The following XXYLT1 variants were observed in gnomAD, a reference collection of about 807,000 sequenced individuals.
XXYLT1 encodes xyloside xylosyltransferase 1.
Under a neutral mutation model 28.9 loss-of-function variants are expected in XXYLT1, and 20 were observed. The ratio of observed to expected loss-of-function variants is 0.69; its 90% confidence interval spans 0.49 to 1.00. The LOEUF is 1.00. Ranked by LOEUF, XXYLT1 falls within the 50% of genes least tolerant of loss-of-function variation. The pLI is 0.00. For missense variants in XXYLT1, 542 were observed against 560.1 expected (o/e 0.97, Z 0.33); for synonymous variants, 257 against 253.8 (o/e 1.01, Z -0.12).
chr3:195,069,886 G>C lies in XXYLT1; in HGVS notation c.1011C>G (p.Ile337Met), dbSNP rs764999070. Reference sequence around the variant, plus strand: ...GGAAGAGCTTGGGGTGCTCCATGCCGATCATGGTGAAGAAGTCCTGGTCCC... The same window carrying C: ...GGAAGAGCTTGGGGTGCTCCATGCCCATCATGGTGAAGAAGTCCTGGTCCC... ...HLGDQDFFTM[I>M]GMEHPKLFHV... Residue 337 changes from isoleucine (I) to methionine (M), a missense_variant, in exon 4 of 4, where the codon ATC (isoleucine) becomes ATG (methionine). Physicochemically the swap from Ile to Met is conservative, Grantham distance 10. Transcript: ENST00000310380. The C allele has an allele frequency of 6.2e-7, 1 of 1,614,104 alleles. No homozygotes were observed. The highest frequency in any genetic ancestry group is 2.2e-5 in the East Asian group (1 of 44,878).
chr3:195,247,495 C>T (rs77123388), intron 1 of XXYLT1, among the ~76,000 whole-genome samples: 2,947 of 152,358 alleles, frequency 0.019, 42 homozygotes, highest in Non-Finnish European at 0.03. Context: ...TCTTCCGCAC[C>T]TCACCCTCGT....
intron 1 of XXYLT1, among the ~76,000 whole-genome samples, chr3:195,248,291 C>G (rs758515160): frequency 2.0e-5 from 3 of 152,186 alleles, no homozygotes; most frequent in Non-Finnish European, 4.4e-5. Context: ...AAGGAGTTGA[C>G]ATGGTTTGGC....
At position 195,124,796 on chromosome 3, in the gene XXYLT1, G is replaced by A. The variant is rs371338885; in HGVS notation, c.785+31653C>T. ...GTTCCAGGGACCACAACTCCCACTA[G>A]AGCCAAGCAGCGTACGGACAGGGGC... On this transcript the variant is annotated intron_variant, in intron 3 of 3. Coordinates refer to ENST00000310380, the MANE Select transcript of XXYLT1 (RefSeq NM_152531.5). This position sits in a 1 kb window ranked among gnomAD's most constrained non-coding sequence, Gnocchi z 4.1. Among the ~76,000 whole-genome samples the A allele has an allele frequency of 6.6e-6, 1 of 152,154 alleles. No individual in the cohort carries two copies. The highest frequency in any genetic ancestry group is 1.5e-5 in the Non-Finnish European group (1 of 68,030).
chr3:195,127,588 C>G (rs971533706), intron 3 of XXYLT1, among the ~76,000 whole-genome samples: 10 of 152,066 alleles, frequency 6.6e-5, no homozygotes, highest in African/African-American at 2.4e-4. Context: ...CCAGCATGGG[C>G]AACATACTGA....
At chr3:195,182,186 C>T (rs6766066) in intron 2 of XXYLT1, among the ~76,000 whole-genome samples, 7,106 of 152,222 alleles carry the variant, frequency 0.047, 585 homozygotes, top group African/African-American at 0.16. Context: ...TGGATTCTCT[C>T]GCCTTTAAGA....
Position 195,200,688 on chromosome 3 carries a change from A to AGAT in XXYLT1, c.652+26020_652+26021insATC, listed in dbSNP as rs140981067. 7.8e-3 allele frequency among the ~76,000 whole-genome samples: 1,190 copies of AGAT among 152,328 alleles called. 8 individuals are homozygous for AGAT. The highest frequency in any genetic ancestry group is 0.012 in the Non-Finnish European group (800 of 68,034). On this transcript the variant is annotated intron_variant, in intron 2 of 3. Coordinates refer to ENST00000310380, the MANE Select transcript of XXYLT1 (RefSeq NM_152531.5). ...TGCAACATGCCCCAAACCTGGAAAC[A>AGAT]TCTGTCTAAATTAGGCGGGAAGAAG...
chr3:195,081,962 T>TG (rs1715458866), intron 3 of XXYLT1, among the ~76,000 whole-genome samples: 1 of 152,212 alleles, frequency 6.6e-6, no homozygotes, highest in African/African-American at 2.4e-5. Flanking sequence ...CCTGAAAGCC[T>TG]GCAGTTCTAG....
chr3:195,117,096 CTA>C (rs984569571), intron 3 of XXYLT1, among the ~76,000 whole-genome samples: 14 of 121,194 alleles, frequency 1.2e-4, no homozygotes, highest in Non-Finnish European at 2.1e-4. Flanking sequence ...TGGAAACATC[CTA>C]TATATATATA....
intron 3 of XXYLT1, among the ~76,000 whole-genome samples, chr3:195,125,302 C>G (rs976906921): frequency 2.0e-5 from 3 of 152,232 alleles, no homozygotes; most frequent in African/African-American, 7.2e-5. Context: ...CGACCTTCGA[C>G]CAAACAGTCC....
chr3:195,206,998 A>G (rs55840713), intron 2 of XXYLT1, among the ~76,000 whole-genome samples: 1,815 of 141,774 alleles, frequency 0.013, 19 homozygotes, highest in Middle Eastern at 0.017. Flanking sequence ...TGGAGGGGGA[A>G]AAAAAAAGGC....
At chr3:195,121,109 C>A (rs1718336991) in intron 3 of XXYLT1, among the ~76,000 whole-genome samples, 1 of 152,242 alleles carries the variant, frequency 6.6e-6, no homozygotes, top group African/African-American at 2.4e-5. Context: ...ACCCGGGAAC[C>A]ACAGCACACC....
intron 1 of XXYLT1, among the ~76,000 whole-genome samples, chr3:195,262,070 A>G (rs893800032): frequency 6.6e-6 from 1 of 152,260 alleles, no homozygotes; most frequent in Non-Finnish European, 1.5e-5. Flanking sequence ...ATTATTCATA[A>G]TAGCCTCAAA....
At position 195,125,960 on chromosome 3, in the gene XXYLT1, C is replaced by A. The variant is rs370913039; in HGVS notation, c.785+30489G>T. The stretch of plus-strand genomic sequence containing the variant: ...GCTCTTCCACAGGTTCACGATACCC[C>A]GAGATAACTGAGAAAGACACAAGGA... On this transcript the variant is annotated intron_variant, in intron 3 of 3. Transcript: ENST00000310380. Among the ~76,000 whole-genome samples the A allele has an allele frequency of 6.0e-5, 9 of 149,958 alleles. No homozygotes were observed. The East Asian group carries it at 1.7e-3, about 28-fold the overall frequency.
intron 1 of XXYLT1, among the ~76,000 whole-genome samples, chr3:195,239,181 G>A (rs914458391): frequency 6.6e-6 from 1 of 152,182 alleles, no homozygotes; most frequent in African/African-American, 2.4e-5. Flanking sequence ...TGCAGCAAGA[G>A]GCAAATCACA....
At chr3:195,249,653 C>T (rs947626380) in intron 1 of XXYLT1, among the ~76,000 whole-genome samples, 6 of 152,250 alleles carry the variant, frequency 3.9e-5, no homozygotes, top group Admixed American at 2.6e-4. Context: ...CCAGAACACA[C>T]TCAACCTTTC....
chr3:195,220,833 TG>T, intron 2 of XXYLT1, among the ~76,000 whole-genome samples: 1 of 152,208 alleles, frequency 6.6e-6, no homozygotes, highest in Non-Finnish European at 1.5e-5. Flanking sequence ...AAGGGACATG[TG>T]ACCTTTGAAA....
At chr3:195,148,665 A>G (rs1197866786) in intron 3 of XXYLT1, among the ~76,000 whole-genome samples, 1 of 152,182 alleles carries the variant, frequency 6.6e-6, no homozygotes, top group Non-Finnish European at 1.5e-5. Context: ...CGGTCACGCT[A>G]ACATCCTGAC....
chr3:195,182,523 C>T (rs1722001393), intron 2 of XXYLT1, among the ~76,000 whole-genome samples: 1 of 152,210 alleles, frequency 6.6e-6, no homozygotes, highest in Non-Finnish European at 1.5e-5. Flanking sequence ...GAGCCAGACT[C>T]ACTAGACGAG....
intron 3 of XXYLT1, among the ~76,000 whole-genome samples, chr3:195,110,975 T>G (rs1257758306): frequency 2.7e-5 from 4 of 146,334 alleles, no homozygotes; most frequent in African/African-American, 1.0e-4. Flanking sequence ...ATTTATTTTC[T>G]AGGGCTGCCA....
Sources: gnomAD v4.1 joint callset for allele counts (sites outside exome capture counted in the v4.1 genomes callset) on GRCh38, gnomAD v4.1.1 for gene constraint, Gnocchi (gnomAD v3.1) non-coding constraint, MANE v1.5 for transcripts, NCBI Gene and HGNC (gene_info 2026-07-23, HGNC 2026-07-21) for gene names.